The following RIMKLB variants were observed in gnomAD, a reference collection of about 807,000 sequenced individuals.
RIMKLB encodes the protein beta-citrylglutamate synthase B.
A neutral mutation model predicts 32.0 loss-of-function variants in RIMKLB; 7 were observed. The observed-to-expected ratio is 0.22, with a 90% CI of 0.12 to 0.41. The LOEUF (loss-of-function observed/expected upper bound fraction) is 0.41, where lower values mean the gene tolerates loss of function less well. Ranked by LOEUF, RIMKLB falls within the 10% of genes least tolerant of loss-of-function variation. RIMKLB has a pLI of 1.00. For synonymous variants in RIMKLB, 172 were observed against 185.1 expected, an observed-to-expected ratio of 0.93 and a Z score of 0.57; for missense variants, 289 against 498.7, an observed-to-expected ratio of 0.58 and a Z score of 4.00.
intron 5 of RIMKLB, among the ~76,000 whole-genome samples, chr12:8,757,658 C>T (rs1448915046): frequency 6.6e-6 from 1 of 152,116 alleles, no homozygotes; most frequent in Non-Finnish European, 1.5e-5. Context: ...CTATAATGTA[C>T]TTTTAGTTCT....
chr12:8,714,962 A>G (rs2136972487), intron 2 of RIMKLB, among the ~76,000 whole-genome samples: 1 of 152,322 alleles, frequency 6.6e-6, no homozygotes, highest in Admixed American at 6.5e-5. Context: ...GTGAGAATTA[A>G]GGCTATGCAA....
chr12:8,735,727 TTGTC>T (rs1489767898), intron 2 of RIMKLB, among the ~76,000 whole-genome samples: 10 of 142,678 alleles, frequency 7.0e-5, no homozygotes, highest in South Asian at 2.1e-4. Context: ...GTTTTTTTTT[TTGTC>T]TGTCTGTTTG....
chr12:8,771,357 G>T (rs1263252623), intron 5 of RIMKLB, among the ~76,000 whole-genome samples: 2 of 152,096 alleles, frequency 1.3e-5, no homozygotes, highest in Non-Finnish European at 2.9e-5. Context: ...CTGCTGTGGG[G>T]TAGGTGAAAG....
intron 2 of RIMKLB, among the ~76,000 whole-genome samples, chr12:8,730,557 A>C (rs966515614): frequency 6.6e-6 from 1 of 152,150 alleles, no homozygotes; most frequent in Non-Finnish European, 1.5e-5. Context: ...GTTAGGTGAA[A>C]CAGACCAGAC....
At chr12:8,729,101 A>G (rs1382118535) in intron 2 of RIMKLB, among the ~76,000 whole-genome samples, 1 of 152,104 alleles carries the variant, frequency 6.6e-6, no homozygotes, top group Non-Finnish European at 1.5e-5. Context: ...GGGTACCCAC[A>G]ACCCTCTAAA....
chr12:8,711,928 A>G (rs1236707927), intron 1 of RIMKLB, among the ~76,000 whole-genome samples: 1 of 152,310 alleles, frequency 6.6e-6, no homozygotes, highest in East Asian at 1.9e-4. Flanking sequence ...AATGCAACCC[A>G]TAAAAAAAGT....
downstream of RIMKLB, chr12:8,779,955 TAATG>T (rs1950937943): frequency 2.0e-5 from 3 of 152,358 alleles, no homozygotes; most frequent in South Asian, 6.2e-4. Context: ...TTAAAAGACT[TAATG>T]AATTTATTAC....
rs774540370 is a variant in RIMKLB at position 8,775,857 on chromosome 12, T to G, written c.*2073T>G. The G allele has an allele frequency of 1.2e-4, 115 of 984,952 alleles. No individual in the cohort carries two copies. Among genetic ancestry groups the G allele is most frequent in the Non-Finnish European group, 1.3e-4 (109 of 829,628 alleles). The allele number at this position is 984,952 out of a possible 1,614,324, so 61.0% of individuals were successfully genotyped here. A position where few individuals can be genotyped will look rare whatever the true frequency, so the allele number is the denominator to read the frequency against. Reference sequence around the variant, plus strand: ...ATATTCTAATTGCATTTAAAAGAACTTATCTTGCGCAGGGTAAATGGGGGA... The same window carrying G: ...ATATTCTAATTGCATTTAAAAGAACGTATCTTGCGCAGGGTAAATGGGGGA... On this transcript the variant is annotated 3_prime_UTR_variant, in exon 6 of 6. Transcript: ENST00000535829.
chr12:8,682,685 C>T (rs374303209), intron 1 of RIMKLB, among the ~76,000 whole-genome samples: 2 of 151,038 alleles, frequency 1.3e-5, no homozygotes, highest in South Asian at 4.2e-4. Flanking sequence ...GGCAGGAGAA[C>T]GGCGTGAACC....
chr12:8,782,902 T>C (rs1412439263), intron 7 of RIMKLB: 2 of 152,178 alleles, frequency 1.3e-5, no homozygotes, highest in Admixed American at 6.5e-5. Context: ...GTTGTGTTTT[T>C]CCCCCCTAGG....
chr12:8,763,940 C>CTT (rs1949737033), intron 5 of RIMKLB, among the ~76,000 whole-genome samples: 1 of 152,116 alleles, frequency 6.6e-6, no homozygotes, highest in Non-Finnish European at 1.5e-5. Flanking sequence ...AAAAGGCATC[C>CTT]TTAAGGTCCA....
chr12:8,730,250 T>G (rs1946413397), intron 2 of RIMKLB, among the ~76,000 whole-genome samples: 1 of 152,180 alleles, frequency 6.6e-6, no homozygotes, highest in South Asian at 2.1e-4. Flanking sequence ...CACATCCGGC[T>G]AATTATTTTA....
chr12:8,762,795 A>G (rs1178736008), intron 5 of RIMKLB, among the ~76,000 whole-genome samples: 3 of 152,160 alleles, frequency 2.0e-5, no homozygotes, highest in African/African-American at 7.2e-5. Context: ...AGCACTGCGT[A>G]CCCTGCTTTT....
At chr12:8,763,912 G>T (rs375783620) in intron 5 of RIMKLB, among the ~76,000 whole-genome samples, 1 of 152,142 alleles carries the variant, frequency 6.6e-6, no homozygotes, top group Non-Finnish European at 1.5e-5. Context: ...AAATTGACAG[G>T]ATGTACAGGG....
downstream of RIMKLB, chr12:8,778,928 T>A (rs1182420233): frequency 6.6e-6 from 1 of 152,224 alleles, no homozygotes; most frequent in Middle Eastern, 3.2e-3. Flanking sequence ...TGATAAGTGA[T>A]TAACCTGTTC....
intron 2 of RIMKLB, among the ~76,000 whole-genome samples, chr12:8,740,938 G>T (rs1028088099): frequency 6.6e-6 from 1 of 152,006 alleles, no homozygotes; most frequent in African/African-American, 2.4e-5. Flanking sequence ...GCCAGGCGGG[G>T]TGGCTCACGC....
At chr12:8,670,893 G>T in the RIMKLB span, among the ~76,000 whole-genome samples, 2 of 152,212 alleles carry the variant, frequency 1.3e-5, no homozygotes, top group African/African-American at 4.8e-5. Flanking sequence ...CTCAATTCTT[G>T]ACTTCTGTCC....
At chr12:8,720,247 A>C (rs1474615152) in intron 2 of RIMKLB, among the ~76,000 whole-genome samples, 2 of 152,348 alleles carry the variant, frequency 1.3e-5, no homozygotes, top group East Asian at 3.9e-4. Context: ...CATTAGGAGA[A>C]TATGAGAAGT....
Position 8,774,254 on chromosome 12 carries a change from C to T in RIMKLB, c.*470C>T. The T allele has an allele frequency of 1.0e-6, 1 of 976,188 alleles. No individual in the cohort carries two copies. The highest frequency in any genetic ancestry group is 4.7e-5 in the South Asian group (1 of 21,060). The allele number at this position is 976,188 out of a possible 1,614,324, so 60.5% of individuals were successfully genotyped here. ...GTATTATACAGCTCTGAAAATTCTG[C>T]CATTTCCTTATTAACTAGCAGCTTT... On this transcript the variant is annotated 3_prime_UTR_variant, in exon 6 of 6. Transcript: ENST00000535829.
Sources: allele counts gnomAD v4.1 joint callset (sites outside exome capture counted in the v4.1 genomes callset), GRCh38; gene constraint gnomAD v4.1.1; transcripts MANE v1.5; gene names NCBI Gene and HGNC (gene_info 2026-07-23, HGNC 2026-07-21).